TTC28: variants seen among roughly 807,000 people sequenced by gnomAD.
TTC28 encodes the protein tetratricopeptide repeat protein 28.
A neutral mutation model predicts 198.0 loss-of-function variants in TTC28; 61 were observed. The observed-to-expected ratio is 0.31, with a 90% confidence interval of 0.25 to 0.38. The LOEUF is 0.38. TTC28 is among the 10% of genes least tolerant of loss of function. The pLI, the probability that TTC28 is intolerant of heterozygous loss-of-function variation, is 1.00. For synonymous variants in TTC28, 1,171 were observed against 1,297.8 expected (o/e 0.90, Z 2.10); for missense variants, 2,678 against 3,164.0 (o/e 0.85, Z 3.69).
At chr22:28,496,033 C>T (rs1391910672) in intron 2 of TTC28, among the ~76,000 whole-genome samples, 1 of 152,130 alleles carries the variant, frequency 6.6e-6, no homozygotes, top group East Asian at 1.9e-4. Context: ...ATTGCTCCCT[C>T]CTCCTTAAAA....
At chr22:28,386,232 G>A (rs868836488) in intron 2 of TTC28, among the ~76,000 whole-genome samples, 2 of 113,336 alleles carry the variant, frequency 1.8e-5, no homozygotes, top group African/African-American at 6.7e-5. Context: ...CCGAGATCCC[G>A]CCACTGCACT....
chr22:28,422,108 A>G (rs1049203905), intron 2 of TTC28, among the ~76,000 whole-genome samples: 2 of 152,242 alleles, frequency 1.3e-5, no homozygotes, highest in Non-Finnish European at 2.9e-5. Context: ...GTAAATGAAT[A>G]TAAGTATCTC....
chr22:28,105,492 T>C lies in TTC28; in HGVS notation c.3094A>G (p.Asn1032Asp). The change falls in exon 8 of 23, where the codon AAC becomes GAC. Residue 1032 changes from asparagine to aspartate, a missense_variant. Asn to Asp is a conservative substitution (Grantham distance 23). This residue lies in a region of TTC28 where 727 missense variants were observed against 861.9 expected (regional missense o/e 0.84). Transcript: ENST00000397906. The stretch of plus-strand genomic sequence containing the variant: ...TAGGCTCGGCCCTGGCACGTGGGGT[T>C]GTTGGTTTCCTCTGCTATCTGTAGA... ...LDLQIAEETN[N>D]PTCQGRAYGN... 6.4e-7 allele frequency: 1 copy of C among 1,551,630 alleles called. No individual in the cohort carries two copies. Among genetic ancestry groups the C allele is most frequent in the Non-Finnish European group, 8.7e-7 (1 of 1,146,986 alleles).
intron 2 of TTC28, among the ~76,000 whole-genome samples, chr22:28,563,436 T>C (rs568883117): frequency 6.6e-6 from 1 of 152,298 alleles, no homozygotes; most frequent in South Asian, 2.1e-4. Context: ...GTGATTTGCT[T>C]TGCAACCATA....
At chr22:28,627,398 T>C (rs1252556761) in intron 2 of TTC28, among the ~76,000 whole-genome samples, 1 of 151,976 alleles carries the variant, frequency 6.6e-6, no homozygotes, top group Non-Finnish European at 1.5e-5. Context: ...AATAGCACTC[T>C]AGTTCGCAAA....
chr22:28,408,112 A>C (rs1385111523), intron 2 of TTC28, among the ~76,000 whole-genome samples: 2 of 152,160 alleles, frequency 1.3e-5, no homozygotes, highest in Non-Finnish European at 1.5e-5. Context: ...AGTAGACTTA[A>C]TTAATAAGAT....
chr22:27,993,059 A>G, intron 18 of TTC28: 1 of 581,676 alleles, frequency 1.7e-6, no homozygotes. Context: ...GGGCAGCGCC[A>G]GTGGGGCGCA....
At chr22:28,641,353 A>T (rs1010018074) in intron 1 of TTC28, among the ~76,000 whole-genome samples, 1 of 152,092 alleles carries the variant, frequency 6.6e-6, no homozygotes, top group African/African-American at 2.4e-5. Flanking sequence ...TGAATAAAAC[A>T]CACATTACAA....
intron 5 of TTC28, among the ~76,000 whole-genome samples, chr22:28,287,817 A>G (rs2044712688): frequency 6.6e-6 from 1 of 152,188 alleles, no homozygotes; most frequent in Non-Finnish European, 1.5e-5. Flanking sequence ...GATAACTCAA[A>G]GAGCTTATAG....
At chr22:28,378,519 G>A (rs2046447601) in intron 2 of TTC28, among the ~76,000 whole-genome samples, 1 of 151,796 alleles carries the variant, frequency 6.6e-6, no homozygotes, top group South Asian at 2.1e-4. Flanking sequence ...CAGGCATGGT[G>A]GCATGAACCT....
At chr22:28,533,819 C>CTATTTAATAAATG (rs1390360082) in intron 2 of TTC28, among the ~76,000 whole-genome samples, 4 of 152,206 alleles carry the variant, frequency 2.6e-5, no homozygotes, top group Non-Finnish European at 4.4e-5. Context: ...AAAGGATTCC[C>CTATTTAATAAATG]TATTTAATAA....
At chr22:28,021,246 G>A (rs1056390419) in intron 13 of TTC28, among the ~76,000 whole-genome samples, 2 of 152,206 alleles carry the variant, frequency 1.3e-5, no homozygotes, top group Non-Finnish European at 2.9e-5. Flanking sequence ...GGGCTGACCA[G>A]ATGGCTGGGA....
At chr22:28,316,472 G>A (rs1030499347) in intron 2 of TTC28, among the ~76,000 whole-genome samples, 4 of 151,970 alleles carry the variant, frequency 2.6e-5, no homozygotes, top group South Asian at 2.1e-4. Context: ...ATGTCTATAT[G>A]TACAAAATAT....
At chr22:28,635,682 A>G (rs759303088) in intron 1 of TTC28, among the ~76,000 whole-genome samples, 1 of 152,168 alleles carries the variant, frequency 6.6e-6, no homozygotes, top group Non-Finnish European at 1.5e-5. Flanking sequence ...GTATAAACTG[A>G]CCAATAAAGT....
chr22:28,296,906 T>C (rs974098220), intron 4 of TTC28, among the ~76,000 whole-genome samples: 5 of 152,192 alleles, frequency 3.3e-5, no homozygotes, highest in African/African-American at 1.2e-4. Context: ...AGAGCCAGGA[T>C]TCTAAACCCA....
At chr22:28,124,953 A>G (rs977090400) in intron 6 of TTC28, among the ~76,000 whole-genome samples, 1 of 152,214 alleles carries the variant, frequency 6.6e-6, no homozygotes, top group African/African-American at 2.4e-5. Context: ...TCTCACCAAC[A>G]TGAACTCTCT....
chr22:28,604,892 T>C (rs1009909211), intron 2 of TTC28, among the ~76,000 whole-genome samples: 2 of 152,244 alleles, frequency 1.3e-5, no homozygotes, highest in African/African-American at 4.8e-5. Context: ...TCAATGTCAC[T>C]GTCAAGTATA....
At chr22:28,324,311 T>C (rs186113083) in intron 2 of TTC28, among the ~76,000 whole-genome samples, 53 of 151,916 alleles carry the variant, frequency 3.5e-4, no homozygotes, top group African/African-American at 2.4e-5. Flanking sequence ...CAAAGGTACA[T>C]AGAGGAACTG....
intron 2 of TTC28, among the ~76,000 whole-genome samples, chr22:28,587,960 TG>T (rs1006012124): frequency 1.3e-5 from 2 of 151,258 alleles, no homozygotes; most frequent in African/African-American, 4.9e-5. Flanking sequence ...GCTAACATGG[TG>T]AAACCCCGTC....
Sources: gnomAD v4.1 joint callset for allele counts (sites outside exome capture counted in the v4.1 genomes callset) on GRCh38, gnomAD v4.1.1 for gene constraint, gnomAD v4.1.1 regional missense constraint, MANE v1.5 for transcripts, NCBI Gene and HGNC (gene_info 2026-07-23, HGNC 2026-07-21) for gene names.